Variants in LMAN2L observed in about 807,000 individuals in gnomAD.
LMAN2L encodes VIP36-like protein.
A neutral mutation model predicts 44.3 loss-of-function variants in LMAN2L; 30 were observed. The observed-to-expected ratio is 0.68, with a 90% CI of 0.51 to 0.92. LMAN2L has a LOEUF of 0.92. Ranked by LOEUF, LMAN2L falls within the 40% of genes least tolerant of loss-of-function variation. LMAN2L has a pLI of 0.00. For missense variants in LMAN2L, 429 were observed against 446.1 expected (o/e 0.96, Z 0.35); for synonymous variants, 183 against 171.1 (o/e 1.07, Z -0.54).
chr2:96,737,991 G>A lies in LMAN2L; in HGVS notation c.264C>T (p.Thr88=). The A allele has an allele frequency of 6.2e-7, 1 of 1,613,922 alleles. No individual in the cohort carries two copies. Among genetic ancestry groups the A allele is most frequent in the Non-Finnish European group, 8.5e-7 (1 of 1,179,892 alleles). ...AMVMTQYIRL[T]PDMQSKQGAL... ...CACCCTGTTTACTTTGCATATCTGG[G>A]GTAAGGCGGATATACTGGGTCATCA... is the stretch of plus-strand genomic sequence containing the variant. The change falls in exon 2 of 8, where the codon ACC becomes ACT. Residue 88 remains threonine, a synonymous_variant. Transcript: ENST00000264963.
intron 6 of LMAN2L, among the ~76,000 whole-genome samples, chr2:96,708,908 C>CTTTTTTTT (rs140328524): frequency 2.2e-5 from 2 of 89,244 alleles, no homozygotes; most frequent in African/African-American, 4.7e-5. Context: ...TGAAGTTAGA[C>CTTTTTTTT]TTTTTTTTTT....
At chr2:96,725,226 T>C (rs1451137520) in intron 4 of LMAN2L, among the ~76,000 whole-genome samples, 1 of 151,690 alleles carries the variant, frequency 6.6e-6, no homozygotes, top group Non-Finnish European at 1.5e-5. Context: ...CCAAAATCCC[T>C]CCCCTGTTGG....
At chr2:96,714,901 G>A (rs1482637419) in intron 4 of LMAN2L, among the ~76,000 whole-genome samples, 3 of 152,184 alleles carry the variant, frequency 2.0e-5, no homozygotes, top group Non-Finnish European at 4.4e-5. Flanking sequence ...CTCAGTCAAA[G>A]AGTCTCATTC....
At chr2:96,738,786 G>A (rs2078571532) in intron 1 of LMAN2L, among the ~76,000 whole-genome samples, 2 of 151,636 alleles carry the variant, frequency 1.3e-5, no homozygotes, top group Admixed American at 1.3e-4. Context: ...TGTTGCCCAG[G>A]CTGAAGTGCA....
Position 96,707,721 on chromosome 2 carries a change from C to CAGCT in LMAN2L, c.893_896dup (p.Pro300AlafsTer3), listed in dbSNP as rs1432303121. 6.2e-7 allele frequency: 1 copy of CAGCT among 1,614,116 alleles called. No individual in the cohort carries two copies. The highest frequency in any genetic ancestry group is 8.5e-7 in the Non-Finnish European group (1 of 1,179,998). The stretch of plus-strand genomic sequence containing the variant: ...GCGGGCCCCTGTGCTCACTCTCAGG[C>CAGCT]AGCTTCATATTGTCCACTGAGGGCA... On this transcript the variant is annotated frameshift_variant, in exon 7 of 8. Transcript: ENST00000264963. LOFTEE classifies it high-confidence loss of function.
chr2:96,725,740 C>A (rs1444390302), intron 4 of LMAN2L, among the ~76,000 whole-genome samples: 1 of 151,980 alleles, frequency 6.6e-6, no homozygotes, highest in South Asian at 2.1e-4. Context: ...CCACCGCACC[C>A]GGCCAAATTT....
chr2:96,731,525 A>C (rs1432079455), intron 4 of LMAN2L, among the ~76,000 whole-genome samples: 1 of 152,014 alleles, frequency 6.6e-6, no homozygotes, highest in African/African-American at 2.4e-5. Context: ...GTGTGCCTAT[A>C]ATCCCAGCTA....
intron 4 of LMAN2L, among the ~76,000 whole-genome samples, chr2:96,728,676 C>G (rs1289237109): frequency 1.3e-5 from 2 of 151,898 alleles, no homozygotes; most frequent in African/African-American, 4.8e-5. Flanking sequence ...AACGCCGCCT[C>G]TACTAGAAAT....
chr2:96,734,483 A>AT lies in LMAN2L; in HGVS notation c.349dup (p.Ile117AsnfsTer48). On this transcript the variant is annotated frameshift_variant, in exon 3 of 8. Coordinates refer to ENST00000264963, the MANE Select transcript of LMAN2L (RefSeq NM_030805.4). LOFTEE classifies it high-confidence loss of function. ...CAGATTCTTCTTTCCTTGTCCATGG[A>AT]TTTTGAAGTGCACCTGCAACTCCCA... 1 of 1,613,786 alleles carries AT rather than the reference A, an allele frequency of 6.2e-7. No individual in the cohort carries two copies. The highest frequency in any genetic ancestry group is 8.5e-7 in the Non-Finnish European group (1 of 1,179,716).
At chr2:96,731,225 G>C (rs1276070813) in intron 4 of LMAN2L, among the ~76,000 whole-genome samples, 1 of 152,062 alleles carries the variant, frequency 6.6e-6, no homozygotes, top group Non-Finnish European at 1.5e-5. Flanking sequence ...TAATTCCCAG[G>C]GCCTGGCACC....
At chr2:96,739,807 C>A in intron 1 of LMAN2L, 47 bp downstream of exon 1, 1 of 1,594,312 alleles carries the variant, frequency 6.3e-7, no homozygotes, top group Admixed American at 1.7e-5. Context: ...GAAATCAAGT[C>A]CCGAAGCCCG....
chr2:96,711,584 G>C, intron 6 of LMAN2L, 72 bp downstream of exon 6: 3 of 997,436 alleles, frequency 3.0e-6, no homozygotes, highest in African/African-American at 3.2e-5. Context: ...TCCCCTGTGA[G>C]AGGCCTCAAT....
intron 4 of LMAN2L, among the ~76,000 whole-genome samples, chr2:96,724,924 C>T (rs1024919791): frequency 7.9e-5 from 12 of 152,108 alleles, no homozygotes; most frequent in Non-Finnish European, 1.5e-4. Context: ...CTCCGCTTCC[C>T]GGGTTCATGC....
Position 96,707,706 on chromosome 2 carries a change from G to A in LMAN2L, c.904+8C>T, listed in dbSNP as rs1286896777. On this transcript the variant is annotated splice_region_variant and intron_variant, in intron 7 of 7. Transcript: ENST00000264963. Reference sequence around the variant, plus strand: ...ATGGGACCATTTCCCGCGGGCCCCTGTGCTCACTCTCAGGCAGCTTCATAT... The same window carrying A: ...ATGGGACCATTTCCCGCGGGCCCCTATGCTCACTCTCAGGCAGCTTCATAT... The A allele has an allele frequency of 6.2e-7, 1 of 1,613,836 alleles. No homozygotes were observed. The highest frequency in any genetic ancestry group is 2.2e-5 in the East Asian group (1 of 44,890).
chr2:96,727,801 C>T (rs1471192934), intron 4 of LMAN2L, among the ~76,000 whole-genome samples: 3 of 152,200 alleles, frequency 2.0e-5, no homozygotes, highest in Admixed American at 6.5e-5. Context: ...ACACATACCA[C>T]GGTCATTTGT....
At chr2:96,719,533 A>T (rs966201051) in intron 4 of LMAN2L, among the ~76,000 whole-genome samples, 1 of 151,894 alleles carries the variant, frequency 6.6e-6, no homozygotes, top group Admixed American at 6.6e-5. Flanking sequence ...AGGTCACTTG[A>T]GTCCAAGAGT....
At chr2:96,725,586 G>A (rs1459444127) in intron 4 of LMAN2L, among the ~76,000 whole-genome samples, 1 of 151,618 alleles carries the variant, frequency 6.6e-6, no homozygotes, top group Admixed American at 6.6e-5. Context: ...GGGACTACAG[G>A]CGCCCGCCAC....
At position 96,707,718 on chromosome 2, in the gene LMAN2L, A is replaced by G. The variant is rs1039313019; in HGVS notation, c.900T>C (p.Pro300=). The change falls in exon 7 of 8, where the codon CCT becomes CCC. Residue 300 remains proline, a synonymous_variant. Coordinates refer to ENST00000264963, the MANE Select transcript of LMAN2L (RefSeq NM_030805.4). ...FLPSVDNMKL[P]EMTAPLPPLS... is the part of the protein sequence containing the mutation. Reference sequence around the variant, plus strand: ...CCCGCGGGCCCCTGTGCTCACTCTCAGGCAGCTTCATATTGTCCACTGAGG... The same window carrying G: ...CCCGCGGGCCCCTGTGCTCACTCTCGGGCAGCTTCATATTGTCCACTGAGG... 1.9e-6 allele frequency: 3 copies of G among 1,613,958 alleles called. No homozygotes were observed. Among genetic ancestry groups the G allele is most frequent in the Non-Finnish European group, 2.5e-6 (3 of 1,179,984 alleles).
chr2:96,712,054 C>T (rs925549117), intron 4 of LMAN2L, 29 bp from the exon 5 acceptor site: 6 of 1,612,086 alleles, frequency 3.7e-6, no homozygotes, highest in South Asian at 2.2e-5. Flanking sequence ...GAAGCAGACA[C>T]TAAGGAAGAG....
Sources: gnomAD v4.1 joint callset for allele counts (sites outside exome capture counted in the v4.1 genomes callset) on GRCh38, gnomAD v4.1.1 for gene constraint, MANE v1.5 for transcripts, NCBI Gene and HGNC (gene_info 2026-07-23, HGNC 2026-07-21) for gene names.